The following FBP2 variants were observed in gnomAD, a reference collection of about 807,000 sequenced individuals.
FBP2 encodes the protein fructose-bisphosphatase 2, also known as fructose-1,6-bisphosphatase isozyme 2.
In FBP2, 27 loss-of-function variants were observed where a neutral mutation model predicts 31.6. The observed-to-expected ratio is 0.85, with a 90% CI of 0.63 to 1.18. The LOEUF (loss-of-function observed/expected upper bound fraction) is 1.18, where lower values mean the gene tolerates loss of function less well. Among genes scored for constraint, FBP2 ranks in the 50% most tolerant of loss-of-function variants. FBP2 has a pLI of 0.00. For synonymous variants in FBP2, 168 were observed against 179.8 expected (o/e 0.93, Z 0.53); for missense variants, 421 against 436.1 (o/e 0.97, Z 0.31).
At chr9:94,586,305 G>GCTT (rs1172053883) in intron 2 of FBP2, among the ~76,000 whole-genome samples, 1 of 152,138 alleles carries the variant, frequency 6.6e-6, no homozygotes, top group Admixed American at 6.5e-5. Flanking sequence ...AACCCGGGAG[G>GCTT]CAGAGGTTAC....
intron 1 of FBP2, among the ~76,000 whole-genome samples, chr9:94,589,547 T>G (rs566976314): frequency 6.6e-6 from 1 of 152,356 alleles, no homozygotes; most frequent in South Asian, 2.1e-4. Context: ...GTCTGCTCAC[T>G]GAGTTATGAG....
intron 4 of FBP2, chr9:94,569,790 CTG>C (rs1338440085): frequency 6.6e-6 from 1 of 152,216 alleles, no homozygotes; most frequent in Non-Finnish European, 1.5e-5. Flanking sequence ...GGTGGTCTCT[CTG>C]TGCCTGAACA....
intron 3 of FBP2, among the ~76,000 whole-genome samples, chr9:94,583,864 C>T (rs1827397447): frequency 6.6e-6 from 1 of 152,222 alleles, no homozygotes; most frequent in South Asian, 2.1e-4. Context: ...GCCTCAGCCT[C>T]CCAAAGTTCT....
At chr9:94,567,495 T>C (rs1337537132) in intron 4 of FBP2, 88 bp from the exon 5 acceptor site, 4 of 1,507,348 alleles carry the variant, frequency 2.7e-6, no homozygotes, top group Non-Finnish European at 3.6e-6. Context: ...CAGGAGAAGA[T>C]GGGGGCCTGC....
rs757436119 is a variant in FBP2 at position 94,563,347 on chromosome 9, C to T, written c.820G>A (p.Gly274Ser). 1 of 1,614,018 alleles carries T rather than the reference C, an allele frequency of 6.2e-7. No homozygotes were observed. The highest frequency in any genetic ancestry group is 1.1e-5 in the South Asian group (1 of 91,064). The change falls in exon 6 of 7, where the codon GGC (glycine) becomes AGC (serine). Residue 274 changes from glycine to serine, a missense_variant. Gly to Ser is a moderately conservative substitution (Grantham distance 56). Transcript: ENST00000375337. Reference protein sequence around the residue: ...LYPANQKSPKGKLRLLYECNP... With the variant: ...LYPANQKSPKSKLRLLYECNP... Reference sequence around the variant, plus strand: ...AGTGGACAAGGGAGAATTACCTTGCCCTTAGGGCTCTTCTGGTTGGCTGGG... The same window carrying T: ...AGTGGACAAGGGAGAATTACCTTGCTCTTAGGGCTCTTCTGGTTGGCTGGG...
Position 94,584,597 on chromosome 9 carries a change from T to C in FBP2, c.406A>G (p.Ile136Val). 6.2e-7 allele frequency: 1 copy of C among 1,612,448 alleles called. No individual in the cohort carries two copies. The highest frequency in any genetic ancestry group is 8.5e-7 in the Non-Finnish European group (1 of 1,178,504). ...NIDCLASIGTIFAIYRKTSED... is the reference protein window; with the variant it reads ...NIDCLASIGTVFAIYRKTSED... ...CTCACCTTTCTATAGATGGCAAAGATGGTTCCGATGGAGGCCAGGCAGTCA... is the reference window on the plus strand; with the variant it reads ...CTCACCTTTCTATAGATGGCAAAGACGGTTCCGATGGAGGCCAGGCAGTCA... The change falls in exon 3 of 7, where the codon ATC (isoleucine) becomes GTC (valine). Residue 136 changes from isoleucine (I) to valine (V), a missense_variant. Coordinates refer to ENST00000375337, the MANE Select transcript of FBP2 (RefSeq NM_003837.4).
rs190013176 is a variant in FBP2 at position 94,579,525 on chromosome 9, T to C, written c.426+5052A>G. 4.1e-3 allele frequency among the ~76,000 whole-genome samples: 626 copies of C among 152,076 alleles called. 5 individuals carry two copies. The highest frequency in any genetic ancestry group is 6.8e-3 in the Middle Eastern group (2 of 294). ...GCATGTCATAAATGGTTTGTATAAATTGTATTAAAGTTTGTGGAGAATTTA... is the reference window on the plus strand; with the variant it reads ...GCATGTCATAAATGGTTTGTATAAACTGTATTAAAGTTTGTGGAGAATTTA... On this transcript the variant is annotated intron_variant, in intron 3 of 6. Transcript: ENST00000375337.
chr9:94,570,653 G>T (rs1369504604), intron 4 of FBP2: 1 of 152,176 alleles, frequency 6.6e-6, no homozygotes, highest in East Asian at 1.9e-4. Context: ...GGAAATTGGG[G>T]CATTAGCAAA....
Position 94,584,680 on chromosome 9 carries a change from G to A in FBP2, c.334-11C>T. ...GACCACGTATTTCCCCTAAATCAGA[G>A]AGGAAAGCACCAACTGATCAGCACA... On this transcript the variant is annotated splice_polypyrimidine_tract_variant and intron_variant, in intron 2 of 6. Transcript: ENST00000375337. 6.4e-7 allele frequency: 1 copy of A among 1,567,398 alleles called. No individual in the cohort carries two copies. The highest frequency in any genetic ancestry group is 8.8e-7 in the Non-Finnish European group (1 of 1,137,426).
At chr9:94,589,236 C>T (rs1423229269) in intron 1 of FBP2, among the ~76,000 whole-genome samples, 3 of 152,188 alleles carry the variant, frequency 2.0e-5, no homozygotes, top group African/African-American at 4.8e-5. Context: ...TTCCAACAGC[C>T]GCAGATGTCC....
chr9:94,586,742 TATA>T (rs1311690022), intron 2 of FBP2: 1 of 152,242 alleles, frequency 6.6e-6, no homozygotes, highest in Non-Finnish European at 1.5e-5. Context: ...AACCTCTCTG[TATA>T]ATAAGCTGTG....
In FBP2 at chr9:94,567,267, C is replaced by G; in HGVS notation, c.705+3G>C. 1 of 1,614,098 alleles carries G rather than the reference C, an allele frequency of 6.2e-7. No homozygotes were observed. The highest frequency in any genetic ancestry group is 8.5e-7 in the Non-Finnish European group (1 of 1,180,012). On this transcript the variant is annotated splice_donor_region_variant and intron_variant, in intron 5 of 6. Coordinates refer to ENST00000375337, the MANE Select transcript of FBP2 (RefSeq NM_003837.4). ...TGCCACCCACCTGGCTTTCTTCACT[C>G]ACCTCAGGGAATTTCTTTTTCTGCA... is the stretch of plus-strand genomic sequence containing the variant.
chr9:94,559,050 A>G lies in FBP2; in HGVS notation c.908T>C (p.Val303Ala), dbSNP rs1564177739. ...AATTGCCTCGGGCTTCACGTCCAGT[A>G]CAGGCTGGGTCCCCGTGGTCGCCAA... ...GGLATTGTQP[V>A]LDVKPEAIHQ... is the part of the protein sequence containing the mutation. The change falls in exon 7 of 7, where the codon GTA becomes GCA. Residue 303 changes from valine to alanine, a missense_variant. Coordinates refer to ENST00000375337, the MANE Select transcript of FBP2 (RefSeq NM_003837.4). 1 of 1,614,152 alleles carries G rather than the reference A, an allele frequency of 6.2e-7. No individual in the cohort carries two copies. Among genetic ancestry groups the G allele is most frequent in the Admixed American group, 1.7e-5 (1 of 60,024 alleles).
intron 6 of FBP2, 103 bp downstream of exon 6, chr9:94,563,239 G>T: frequency 1.5e-6 from 2 of 1,316,506 alleles, no homozygotes; most frequent in Non-Finnish European, 1.0e-6. Flanking sequence ...TCCCCACACA[G>T]ACATGCCATG....
chr9:94,571,282 G>A (rs1367331287), intron 4 of FBP2, among the ~76,000 whole-genome samples, 180 bp downstream of exon 4: 7 of 152,140 alleles, frequency 4.6e-5, no homozygotes, highest in African/African-American at 2.4e-5. Flanking sequence ...TGCCCTCACT[G>A]GGACAGAGGC....
In FBP2 at chr9:94,571,539, C is replaced by CTGCGGCCACAATAT; in HGVS notation, c.476_489dup (p.Gly164IlefsTer54). 1.2e-6 allele frequency: 2 copies of CTGCGGCCACAATAT among 1,614,048 alleles called. No individual in the cohort carries two copies. The highest frequency in any genetic ancestry group is 2.2e-5 in the South Asian group (2 of 91,052). On this transcript the variant is annotated frameshift_variant, in exon 4 of 7. Transcript: ENST00000375337. LOFTEE classifies it high-confidence loss of function. ...GTTGCACTACCGTACAGCGCATAAC[C>CTGCGGCCACAATAT]TGCGGCCACAATATTGCGGCCACAC...
chr9:94,591,386 G>C (rs1025740849), intron 1 of FBP2, among the ~76,000 whole-genome samples: 1 of 152,214 alleles, frequency 6.6e-6, no homozygotes. Flanking sequence ...CACTGGCCCG[G>C]GTGCTAAGTC....
At chr9:94,563,810 T>C (rs531473199) in intron 5 of FBP2, among the ~76,000 whole-genome samples, 3 of 151,898 alleles carry the variant, frequency 2.0e-5, no homozygotes, top group Non-Finnish European at 2.9e-5. Context: ...GCCAAACATA[T>C]AGAAAGCAGA....
chr9:94,586,508 T>C (rs1176088405), intron 2 of FBP2: 2 of 152,232 alleles, frequency 1.3e-5, no homozygotes, highest in Non-Finnish European at 2.9e-5. Context: ...ACAAGAGTCA[T>C]ATCAACTGAA....
Sources: allele counts gnomAD v4.1 joint callset (sites outside exome capture counted in the v4.1 genomes callset), GRCh38; gene constraint gnomAD v4.1.1; transcripts MANE v1.5; gene names NCBI Gene and HGNC (gene_info 2026-07-23, HGNC 2026-07-21).